Variants in GLRA3 observed in about 807,000 individuals in gnomAD.
GLRA3 encodes the protein glycine receptor subunit alpha-3.
In GLRA3, 44 loss-of-function variants were observed where a neutral mutation model predicts 60.4. The observed-to-expected ratio is 0.73, with a 90% CI of 0.57 to 0.94. The LOEUF is 0.94. Among genes scored for constraint, GLRA3 ranks in the 40% least tolerant of loss-of-function variants. The pLI, the probability that GLRA3 is intolerant of heterozygous loss-of-function variation, is 0.00. For missense variants in GLRA3, 508 were observed against 564.6 expected, an observed-to-expected ratio of 0.90 and a Z score of 1.02; for synonymous variants, 223 against 192.9, an observed-to-expected ratio of 1.16 and a Z score of -1.29.
rs1349881717 is a variant in GLRA3, at chr4:174,705,163, C to T, written c.574+10325G>A. On this transcript the variant is annotated intron_variant, in intron 5 of 9. Transcript: ENST00000274093. ...TTGCAATTGTAGCAGAGTTAAGAGG[C>T]GAGACCTTTAACAGGAGATTGGGTC... Among the ~76,000 whole-genome samples, 4 of 143,838 alleles carry T rather than the reference C, an allele frequency of 2.8e-5. 1 individual carries two copies. The highest frequency in any genetic ancestry group is 1.4e-4 in the Admixed American group (2 of 14,006). The allele number at this position is 143,838 out of a possible 152,430, so 94.4% of individuals were successfully genotyped here.
chr4:174,720,029 T>A (rs765067695), intron 4 of GLRA3, among the ~76,000 whole-genome samples: 35 of 152,202 alleles, frequency 2.3e-4, no homozygotes, highest in Non-Finnish European at 4.3e-4. Context: ...AAATAAAAAT[T>A]AAAATTATAT....
At chr4:174,693,936 C>A (rs984618878) in intron 5 of GLRA3, among the ~76,000 whole-genome samples, 1 of 152,056 alleles carries the variant, frequency 6.6e-6, no homozygotes, top group East Asian at 1.9e-4. Context: ...GGGTTGCAAT[C>A]CTGGTTTTAG....
chr4:174,828,986 G>T lies in GLRA3; in HGVS notation c.-175C>A, dbSNP rs1442387396. ...AGTATGCGGACCCCTTCTCAGCATT[G>T]AGCAGAAGTGGAGAGTCACAGTGTT... On this transcript the variant is annotated 5_prime_UTR_variant, in exon 1 of 10. Coordinates refer to ENST00000274093, the MANE Select transcript of GLRA3 (RefSeq NM_006529.4). The T allele has an allele frequency of 1.7e-6, 1 of 594,784 alleles. No individual in the cohort carries two copies. The highest frequency in any genetic ancestry group is 1.8e-5 in the African/African-American group (1 of 54,096). The allele number at this position is 594,784 out of a possible 1,614,324, so 36.8% of individuals were successfully genotyped here. A position where few individuals can be genotyped will look rare whatever the true frequency, so the allele number is the denominator to read the frequency against.
chr4:174,825,723 A>G (rs1409991564), intron 1 of GLRA3, among the ~76,000 whole-genome samples: 2 of 152,090 alleles, frequency 1.3e-5, no homozygotes, highest in Non-Finnish European at 2.9e-5. Context: ...ATCCAAAACA[A>G]GTATGAAAGT....
chr4:174,811,098 A>AAC (rs367625302), intron 1 of GLRA3, among the ~76,000 whole-genome samples: 4,208 of 149,208 alleles, frequency 0.028, 189 homozygotes, highest in African/African-American at 0.096. Context: ...CCACACACAT[A>AAC]ACACACACAC....
intron 5 of GLRA3, among the ~76,000 whole-genome samples, chr4:174,707,387 G>A (rs909095151): frequency 6.6e-6 from 1 of 152,188 alleles, no homozygotes; most frequent in South Asian, 2.1e-4. Flanking sequence ...TAGTAAACAT[G>A]GATGGGGGAC....
At chr4:174,708,623 G>T (rs1169202377) in intron 5 of GLRA3, among the ~76,000 whole-genome samples, 1 of 144,070 alleles carries the variant, frequency 6.9e-6, no homozygotes, top group Non-Finnish European at 1.5e-5. Flanking sequence ...TTTTGAGATG[G>T]AGTTTCGCTC....
chr4:174,745,521 A>T (rs1453345095), intron 3 of GLRA3, among the ~76,000 whole-genome samples: 2 of 152,182 alleles, frequency 1.3e-5, no homozygotes, highest in Non-Finnish European at 2.9e-5. Context: ...TTTGGGTCTA[A>T]CACTTAAGAC....
chr4:174,659,203 CAA>C lies in GLRA3; in HGVS notation c.928-8_928-7del, dbSNP rs756199121. On this transcript the variant is annotated splice_polypyrimidine_tract_variant and splice_region_variant and intron_variant, in intron 7 of 9. Coordinates refer to ENST00000274093, the MANE Select transcript of GLRA3 (RefSeq NM_006529.4). ...ATAGCTTTGACATATGAAACCTAGC[CAA>C]GAGAGAAAGAGAAAGCAAGCAAATT... 1.2e-6 allele frequency: 2 copies of C among 1,604,056 alleles called. No individual in the cohort carries two copies. Among genetic ancestry groups the C allele is most frequent in the Non-Finnish European group, 1.7e-6 (2 of 1,175,908 alleles).
intron 3 of GLRA3, among the ~76,000 whole-genome samples, chr4:174,731,036 T>C (rs1243824798): frequency 6.6e-6 from 1 of 152,218 alleles, no homozygotes; most frequent in Non-Finnish European, 1.5e-5. Context: ...ATGATGAATA[T>C]GTTAATTAGC....
intron 3 of GLRA3, among the ~76,000 whole-genome samples, chr4:174,738,912 G>A (rs1736901894): frequency 6.6e-6 from 1 of 152,188 alleles, no homozygotes; most frequent in Non-Finnish European, 1.5e-5. Context: ...TCATAGGCAA[G>A]GTCTCTTTTA....
intron 5 of GLRA3, among the ~76,000 whole-genome samples, chr4:174,704,215 A>G (rs1013901656): frequency 7.0e-6 from 1 of 143,510 alleles, no homozygotes; most frequent in African/African-American, 2.5e-5. Flanking sequence ...GGATCGCTTG[A>G]GCCTGGAGGT....
intron 7 of GLRA3, among the ~76,000 whole-genome samples, chr4:174,668,017 TGTC>T (rs1253867105): frequency 6.6e-6 from 1 of 152,130 alleles, no homozygotes; most frequent in African/African-American, 2.4e-5. Flanking sequence ...CCTCTAGTGC[TGTC>T]TTGTGACAGA....
chr4:174,763,449 A>G (rs72708227), intron 3 of GLRA3, among the ~76,000 whole-genome samples: 314 of 152,162 alleles, frequency 2.1e-3, no homozygotes, highest in South Asian at 5.6e-3. Flanking sequence ...TAAAACCCCA[A>G]TCTTTTCTTT....
chr4:174,816,269 GCCGGAT>G (rs1740496996), intron 1 of GLRA3, among the ~76,000 whole-genome samples: 1 of 152,168 alleles, frequency 6.6e-6, no homozygotes, highest in Non-Finnish European at 1.5e-5. Flanking sequence ...GACTGGCACA[GCCGGAT>G]CCCAAAGGTC....
chr4:174,686,568 T>TG (rs1377985027), intron 5 of GLRA3, among the ~76,000 whole-genome samples: 5 of 152,310 alleles, frequency 3.3e-5, no homozygotes, highest in African/African-American at 1.2e-4. Context: ...GTAAGGAAGA[T>TG]GTCCTGCTAG....
intron 5 of GLRA3, among the ~76,000 whole-genome samples, chr4:174,707,074 C>T (rs1735545822): frequency 6.6e-6 from 1 of 152,076 alleles, no homozygotes; most frequent in South Asian, 2.1e-4. Context: ...TAATGTTATT[C>T]TTATAAGCAA....
intron 1 of GLRA3, among the ~76,000 whole-genome samples, chr4:174,811,831 A>G (rs1017240431): frequency 2.6e-5 from 4 of 152,162 alleles, no homozygotes; most frequent in African/African-American, 7.2e-5. Flanking sequence ...ATATACCTCG[A>G]GCAGTTTAAC....
chr4:174,750,836 G>C (rs1160637412), intron 3 of GLRA3, among the ~76,000 whole-genome samples: 1 of 151,970 alleles, frequency 6.6e-6, no homozygotes, highest in African/African-American at 2.4e-5. Flanking sequence ...CACTTGTTTT[G>C]AATAATCAAA....
Sources: gnomAD v4.1 joint callset for allele counts (sites outside exome capture counted in the v4.1 genomes callset) on GRCh38, gnomAD v4.1.1 for gene constraint, MANE v1.5 for transcripts, NCBI Gene and HGNC (gene_info 2026-07-23, HGNC 2026-07-21) for gene names.